PCDH11X: variants seen among roughly 807,000 people sequenced by gnomAD.
The protein encoded by PCDH11X is protocadherin 11 X-linked, also known as protocadherin-11 X-linked.
A neutral mutation model predicts 53.3 loss-of-function variants in PCDH11X; 18 were observed. That is an observed-to-expected ratio of 0.34 (90% confidence interval 0.23 to 0.50). The LOEUF (loss-of-function observed/expected upper bound fraction) is 0.50. Ranked by LOEUF, PCDH11X falls within the 20% of genes least tolerant of loss-of-function variation. PCDH11X has a pLI of 0.98. For missense variants in PCDH11X, 570 were observed against 1,032.4 expected (o/e 0.55, Z 6.14); for synonymous variants, 279 against 393.3 (o/e 0.71, Z 3.44).
chrX:92,135,838 G>T (rs984600909), intron 6 of PCDH11X, among the ~76,000 whole-genome samples: 5 of 109,425 alleles, frequency 4.6e-5, no homozygotes, highest in Admixed American at 2.0e-4. Context: ...TGTATAATTG[G>T]AATGAAAATT....
intron 10 of PCDH11X, among the ~76,000 whole-genome samples, chrX:92,474,078 G>A (rs2073325890): frequency 9.0e-6 from 1 of 110,765 alleles, no homozygotes; most frequent in South Asian, 3.8e-4. Flanking sequence ...TTACTGTATT[G>A]GGGCCTATCT....
intron 9 of PCDH11X, among the ~76,000 whole-genome samples, chrX:92,459,074 A>T (rs1420114391): frequency 2.0e-5 from 2 of 101,082 alleles, no homozygotes; most frequent in Non-Finnish European, 4.0e-5. Context: ...AGCCATTTTA[A>T]CTGGGGCGAG....
intron 7 of PCDH11X, among the ~76,000 whole-genome samples, chrX:92,248,480 G>A (rs2067394025): frequency 9.1e-6 from 1 of 110,095 alleles, no homozygotes; most frequent in African/African-American, 3.3e-5. Flanking sequence ...ATACTTATGG[G>A]GTACATGTGA....
chrX:92,458,076 T>A (rs1425437978), intron 9 of PCDH11X, among the ~76,000 whole-genome samples: 3 of 106,607 alleles, frequency 2.8e-5, no homozygotes, highest in Non-Finnish European at 5.8e-5. Flanking sequence ...AAATGAAATC[T>A]CTGTTTCCAA....
intron 7 of PCDH11X, among the ~76,000 whole-genome samples, chrX:92,252,606 T>G (rs907007755): frequency 1.8e-5 from 2 of 111,650 alleles, no homozygotes; most frequent in Admixed American, 9.5e-5. Context: ...AATCTTGACC[T>G]TTATTGGACA....
chrX:92,016,344 T>C (rs1418593915), intron 6 of PCDH11X, among the ~76,000 whole-genome samples: 1 of 108,371 alleles, frequency 9.2e-6, no homozygotes, highest in Non-Finnish European at 1.9e-5. Flanking sequence ...ATATGTACTT[T>C]GAAGCTTTAA....
intron 10 of PCDH11X, among the ~76,000 whole-genome samples, chrX:92,584,789 C>CTTTTT (rs1171667582): frequency 1.8e-3 from 114 of 65,070 alleles, no homozygotes; most frequent in African/African-American, 4.4e-3. Flanking sequence ...TCTTTTTTTC[C>CTTTTT]TTTTTTTTTT....
chrX:92,537,228 T>G (rs1750266539), intron 10 of PCDH11X, among the ~76,000 whole-genome samples: 2 of 109,476 alleles, frequency 1.8e-5, no homozygotes, highest in Admixed American at 2.0e-4. Flanking sequence ...TTTTTTTTTT[T>G]GCTTCATTTC....
intron 6 of PCDH11X, among the ~76,000 whole-genome samples, chrX:92,071,760 T>C (rs1386734317): frequency 9.0e-6 from 1 of 111,581 alleles, no homozygotes. Context: ...TTTCTCTTGC[T>C]TTCTCCCAAA....
In PCDH11X at chrX:92,185,833, G is replaced by GAA. The variant is rs199745677; in HGVS notation, c.3034-15537_3034-15536dup. On this transcript the variant is annotated intron_variant, in intron 6 of 10. Transcript: ENST00000682573. The stretch of plus-strand genomic sequence containing the variant: ...AATAGAATACCTATTAAAAAAAAAA[G>GAA]AAAAAACAAAACAAAACACAACATA... 1.0e-3 allele frequency among the ~76,000 whole-genome samples: 111 copies of GAA among 108,572 alleles called. 1 individual carries two copies. The highest frequency in any genetic ancestry group is 3.7e-3 in the African/African-American group (108 of 29,533). The allele number at this position is 108,572 out of a possible 115,157, so 94.3% of individuals were successfully genotyped here.
chrX:92,451,361 C>T (rs1046521858), intron 9 of PCDH11X, among the ~76,000 whole-genome samples: 1 of 109,460 alleles, frequency 9.1e-6, no homozygotes, highest in African/African-American at 3.3e-5. Context: ...ATTAAAAAGG[C>T]AAAAAAGAAA....
At chrX:92,102,327 T>C in intron 6 of PCDH11X, among the ~76,000 whole-genome samples, 1 of 106,046 alleles carries the variant, frequency 9.4e-6, no homozygotes, top group Non-Finnish European at 1.9e-5. Flanking sequence ...AGCGGCAGCC[T>C]CTGTACGCAG....
At chrX:92,438,995 T>A (rs2755032) in intron 9 of PCDH11X, among the ~76,000 whole-genome samples, 4 of 111,475 alleles carry the variant, frequency 3.6e-5, no homozygotes, top group African/African-American at 1.3e-4. Context: ...CTTACTTGGA[T>A]GTATATGTCA....
intron 6 of PCDH11X, among the ~76,000 whole-genome samples, chrX:92,042,517 A>G (rs1372110966): frequency 1.9e-5 from 2 of 106,049 alleles, no homozygotes; most frequent in African/African-American, 3.5e-5. Flanking sequence ...TTAGAGTAAC[A>G]TACATACATT....
chrX:92,108,527 C>G (rs968906306), intron 6 of PCDH11X, among the ~76,000 whole-genome samples: 2 of 110,948 alleles, frequency 1.8e-5, no homozygotes, highest in African/African-American at 3.3e-5. Context: ...AAAAAAAAAG[C>G]TTTCCCTAAA....
chrX:92,513,977 G>C (rs2074210024), intron 10 of PCDH11X, among the ~76,000 whole-genome samples: 4 of 110,944 alleles, frequency 3.6e-5, no homozygotes, highest in Admixed American at 2.9e-4. Context: ...GAATTGTACA[G>C]TATGTTATCT....
intron 6 of PCDH11X, among the ~76,000 whole-genome samples, chrX:92,063,062 A>G (rs1018129343): frequency 2.7e-5 from 3 of 110,352 alleles, no homozygotes; most frequent in African/African-American, 9.9e-5. Context: ...TGAAGCTGGA[A>G]ACCATCATTC....
Position 92,459,894 on chromosome X carries a change from C to T in PCDH11X, c.3344-8405C>T. The T allele has an allele frequency of 2.6e-6, 3 of 1,156,119 alleles. No individual in the cohort carries two copies. The Admixed American group carries it at 6.5e-5, about 25-fold the overall frequency. On this transcript the variant is annotated intron_variant, in intron 9 of 10. Transcript: ENST00000682573. ...CTGGGGGTCTGGCAGGAATGGGAGG[C>T]ATCCAGAACAAGAAGACCATGCAAA...
chrX:91,966,280 T>C (rs960267626), intron 6 of PCDH11X, among the ~76,000 whole-genome samples: 1 of 111,160 alleles, frequency 9.0e-6, no homozygotes, highest in African/African-American at 3.3e-5. Flanking sequence ...CAACTGTCTA[T>C]GGGACTATTG....
Sources: allele counts gnomAD v4.1 joint callset (sites outside exome capture counted in the v4.1 genomes callset), GRCh38; gene constraint gnomAD v4.1.1; transcripts MANE v1.5; gene names NCBI Gene and HGNC (gene_info 2026-07-23, HGNC 2026-07-21).